Variants in TRIT1 observed in about 807,000 individuals in gnomAD.
TRIT1 encodes the protein tRNA dimethylallyltransferase.
A neutral mutation model predicts 51.2 loss-of-function variants in TRIT1; 43 were observed. The observed-to-expected ratio is 0.84, with a 90% confidence interval of 0.66 to 1.08. The LOEUF (loss-of-function observed/expected upper bound fraction) is 1.08, where lower values mean the gene tolerates loss of function less well. TRIT1 is among the 50% of genes least tolerant of loss of function. The probability of loss-of-function intolerance (pLI) is 0.00; values close to 1 mark genes in which losing one functional copy is unlikely to be tolerated. For missense variants in TRIT1, 528 were observed against 578.4 expected (o/e 0.91, Z 0.89); for synonymous variants, 184 against 203.9 (o/e 0.90, Z 0.83).
chr1:39,847,268 T>C lies in TRIT1; in HGVS notation c.958A>G (p.Arg320Gly), dbSNP rs756431935. 2 of 1,614,176 alleles carry C rather than the reference T, an allele frequency of 1.2e-6. No individual in the cohort carries two copies. Among genetic ancestry groups the C allele is most frequent in the Non-Finnish European group, 1.7e-6 (2 of 1,180,024 alleles). Residue 320 changes from arginine (R) to glycine (G), a missense_variant, in exon 8 of 11, where the codon AGA (arginine) becomes GGA (glycine). Physicochemically the swap from Arg to Gly is moderately radical, Grantham distance 125. This residue lies in a region of TRIT1 where 468 missense variants were observed against 522.6 expected (regional missense o/e 0.90). Transcript: ENST00000316891. ...GIEALKQVTKRYARKQNRWVK... is the reference protein window; with the variant it reads ...GIEALKQVTKGYARKQNRWVK... ...CATCGGTTTTGTTTCCGGGCATATC[T>C]CTTAGTTACTTGTTTCAGAGCCTCA...
intron 2 of TRIT1, among the ~76,000 whole-genome samples, chr1:39,854,496 TAGTC>T (rs1270162020): frequency 5.9e-5 from 9 of 152,214 alleles, no homozygotes; most frequent in African/African-American, 1.4e-4. Context: ...TTCTTAGACT[TAGTC>T]AGTCTCTACC....
chr1:39,860,444 A>C (rs964051586), intron 1 of TRIT1, among the ~76,000 whole-genome samples: 10 of 152,338 alleles, frequency 6.6e-5, no homozygotes, highest in Admixed American at 3.3e-4. Flanking sequence ...CGCTCACTGG[A>C]GTATTTTGGA....
intron 1 of TRIT1, among the ~76,000 whole-genome samples, chr1:39,871,857 A>C (rs1300066772): frequency 6.6e-6 from 1 of 152,118 alleles, no homozygotes; most frequent in Non-Finnish European, 1.5e-5. Context: ...AAACCCATAG[A>C]ACTAAACATC....
intron 2 of TRIT1, 103 bp downstream of exon 2, chr1:39,857,174 G>T (rs1055763649): frequency 5.8e-6 from 8 of 1,378,212 alleles, no homozygotes; most frequent in African/African-American, 1.5e-5. Flanking sequence ...TTTAGGCCTT[G>T]GGTGCCCCTT....
intron 10 of TRIT1, among the ~76,000 whole-genome samples, chr1:39,842,136 C>G (rs1224308107): frequency 6.6e-6 from 1 of 152,216 alleles, no homozygotes; most frequent in Admixed American, 6.5e-5. Context: ...ATCAAGTGCT[C>G]CCTGTTAGGT....
intron 2 of TRIT1, among the ~76,000 whole-genome samples, chr1:39,855,193 T>C (rs775147659): frequency 2.4e-4 from 36 of 152,114 alleles, no homozygotes; most frequent in Non-Finnish European, 4.0e-4. Flanking sequence ...TCCAGGTAAA[T>C]AATCATTTAC....
chr1:39,872,831 G>A (rs1643923875), intron 1 of TRIT1, among the ~76,000 whole-genome samples: 1 of 146,360 alleles, frequency 6.8e-6, no homozygotes, highest in African/African-American at 2.5e-5. Context: ...AGGGAGGGAG[G>A]GAAGAAGGGA....
At chr1:39,869,471 C>A (rs372206075) in intron 1 of TRIT1, among the ~76,000 whole-genome samples, 2 of 152,184 alleles carry the variant, frequency 1.3e-5, no homozygotes, top group Non-Finnish European at 1.5e-5. Flanking sequence ...ACCTCCCAGC[C>A]GCCTGCCTTG....
rs996987612 is a variant in TRIT1 at position 39,841,648 on chromosome 1, C to A, written c.*96G>T. The A allele has an allele frequency of 3.1e-6, 4 of 1,272,444 alleles. No homozygotes were observed. The Admixed American group carries it at 1.0e-4, about 32-fold the overall frequency. 78.8% of individuals were successfully genotyped at this position (1,272,444 alleles called of 1,614,324 possible). On this transcript the variant is annotated 3_prime_UTR_variant, in exon 11 of 11. Transcript: ENST00000316891. ...AGCTTTTCTGCTATGCAGAGAATTC[C>A]GCATAGCACTCCTTTGCCCAGACTG... is the stretch of plus-strand genomic sequence containing the variant.
At chr1:39,869,749 C>A (rs1005579618) in intron 1 of TRIT1, among the ~76,000 whole-genome samples, 2 of 152,132 alleles carry the variant, frequency 1.3e-5, no homozygotes, top group Middle Eastern at 3.4e-3. Context: ...GTGTCTCTGC[C>A]CGACCGCCAC....
At chr1:39,843,411 G>A (rs1642032842) in intron 10 of TRIT1, among the ~76,000 whole-genome samples, 1 of 152,152 alleles carries the variant, frequency 6.6e-6, no homozygotes, top group South Asian at 2.1e-4. Context: ...ACAGAAATCT[G>A]AAAATCCAAT....
intron 6 of TRIT1, 111 bp downstream of exon 6, chr1:39,847,875 T>A (rs895806400): frequency 3.0e-6 from 4 of 1,346,058 alleles, no homozygotes. Context: ...AAAAACTGCA[T>A]CTGCAAAGAA....
At position 39,883,461 on chromosome 1, in the gene TRIT1, G is replaced by A. The variant is rs757185315; in HGVS notation, c.31C>T (p.Pro11Ser). MASVAAARAV[P>S]VGSGLRGLQR... ...AGGCCCCTGAGCCCACTGCCCACGG[G>A]AACTGCTCGTGCAGCCGCCACGGAC... Residue 11 changes from proline (P) to serine (S), a missense_variant, in exon 1 of 11, where the codon CCC (proline) becomes TCC (serine). Physicochemically the swap from Pro to Ser is moderately conservative, Grantham distance 74 (BLOSUM62 -1). Around this residue, in one of 3 missense-constraint regions of TRIT1, gnomAD observed 55 missense variants for 37.0 expected, o/e 1.49. Transcript: ENST00000316891. The A allele has an allele frequency of 5.0e-6, 8 of 1,599,774 alleles. No individual in the cohort carries two copies. The highest frequency in any genetic ancestry group is 3.3e-5 in the South Asian group (3 of 90,826).
At chr1:39,847,030 ATT>A (rs11285784) in intron 8 of TRIT1, 188 bp downstream of exon 8, 1,315 of 468,266 alleles carry the variant, frequency 2.8e-3, no homozygotes, top group East Asian at 7.9e-3. Flanking sequence ...AATGCAAATA[ATT>A]TTTTTTTTTT....
intron 3 of TRIT1, among the ~76,000 whole-genome samples, chr1:39,853,341 T>C (rs560169037): frequency 2.7e-5 from 4 of 145,728 alleles, no homozygotes; most frequent in African/African-American, 1.0e-4. Flanking sequence ...GCTAACGTAC[T>C]GGGTTTTTTT....
intron 8 of TRIT1, among the ~76,000 whole-genome samples, chr1:39,845,692 CCT>C (rs1357228929): frequency 1.3e-5 from 2 of 152,322 alleles, no homozygotes; most frequent in African/African-American, 4.8e-5. Context: ...GCTTCTGTGC[CCT>C]GTCTAAGCAC....
At chr1:39,848,163 G>A (rs950054587) in intron 5 of TRIT1, 66 bp from the exon 6 acceptor site, 31 of 1,157,440 alleles carry the variant, frequency 2.7e-5, no homozygotes, top group Non-Finnish European at 3.4e-5. Flanking sequence ...CTTACATGAC[G>A]AGTGAACAGG....
chr1:39,870,033 G>A (rs1643799728), intron 1 of TRIT1, among the ~76,000 whole-genome samples: 2 of 152,326 alleles, frequency 1.3e-5, no homozygotes, highest in Non-Finnish European at 2.9e-5. Flanking sequence ...CATTGAGAAC[G>A]GGCCATGATG....
intron 5 of TRIT1, 92 bp downstream of exon 5, chr1:39,850,027 G>T: frequency 7.3e-7 from 1 of 1,376,848 alleles, no homozygotes; most frequent in Non-Finnish European, 1.0e-6. Flanking sequence ...TGTTTATTAT[G>T]AGCCACCCAT....
Sources: gnomAD v4.1 joint callset for allele counts (sites outside exome capture counted in the v4.1 genomes callset) on GRCh38, gnomAD v4.1.1 for gene constraint, gnomAD v4.1.1 regional missense constraint, MANE v1.5 for transcripts, NCBI Gene and HGNC (gene_info 2026-07-23, HGNC 2026-07-21) for gene names.